The following FOXP1 variants were observed in gnomAD, a reference collection of about 807,000 sequenced individuals.
FOXP1 encodes the protein forkhead box P1, also known as forkhead box protein P1.
In FOXP1, 15 loss-of-function variants were observed where a neutral mutation model predicts 98.2. The observed-to-expected ratio is 0.15, with a 90% confidence interval of 0.10 to 0.24. FOXP1 has a LOEUF of 0.24. Ranked by LOEUF, FOXP1 falls within the 10% of genes least tolerant of loss-of-function variation. The pLI is 1.00. For synonymous variants in FOXP1, 371 were observed against 314.5 expected (o/e 1.18, Z -1.90); for missense variants, 633 against 848.5 (o/e 0.75, Z 3.15).
At chr3:71,064,623 C>T (rs2052107222) in intron 7 of FOXP1, among the ~76,000 whole-genome samples, 1 of 152,086 alleles carries the variant, frequency 6.6e-6, no homozygotes, top group Non-Finnish European at 1.5e-5. Context: ...TCTTGCCCCT[C>T]CACTCCCTCC....
intron 2 of FOXP1, among the ~76,000 whole-genome samples, chr3:71,576,049 G>A (rs2047695839): frequency 1.3e-5 from 2 of 152,154 alleles, no homozygotes; most frequent in South Asian, 2.1e-4. Flanking sequence ...TTTGTCCTAA[G>A]CAAATCTATT....
At chr3:71,394,491 G>C (rs1197747546) in intron 3 of FOXP1, among the ~76,000 whole-genome samples, 1 of 152,118 alleles carries the variant, frequency 6.6e-6, no homozygotes, top group Non-Finnish European at 1.5e-5. Context: ...TGTCTGCTAG[G>C]TTTCTCCCGG....
chr3:71,443,707 A>C (rs970434422), intron 3 of FOXP1, among the ~76,000 whole-genome samples: 2 of 152,198 alleles, frequency 1.3e-5, no homozygotes, highest in African/African-American at 4.8e-5. Context: ...GGATTTCTGA[A>C]ACTAAAGAAG....
At chr3:71,404,219 C>G (rs551173433) in intron 3 of FOXP1, among the ~76,000 whole-genome samples, 3 of 149,620 alleles carry the variant, frequency 2.0e-5, no homozygotes, top group African/African-American at 7.4e-5. Flanking sequence ...CCTCCGCCTC[C>G]CAGGTTCAAG....
intron 3 of FOXP1, among the ~76,000 whole-genome samples, chr3:71,449,967 C>A (rs2086792097): frequency 6.6e-6 from 1 of 152,160 alleles, no homozygotes; most frequent in African/African-American, 2.4e-5. Context: ...CATGAAATTT[C>A]TTTCCCAACA....
At chr3:71,340,420 G>A (rs1416365162) in intron 4 of FOXP1, among the ~76,000 whole-genome samples, 1 of 152,176 alleles carries the variant, frequency 6.6e-6, no homozygotes, top group African/African-American at 2.4e-5. Flanking sequence ...TGTATTTTGG[G>A]GGGAAAAGCA....
intron 3 of FOXP1, among the ~76,000 whole-genome samples, chr3:71,364,037 G>C (rs1488240149): frequency 6.6e-6 from 1 of 152,168 alleles, no homozygotes; most frequent in East Asian, 1.9e-4. Context: ...AGCACTAACA[G>C]TGGGAGGTGC....
intron 6 of FOXP1, among the ~76,000 whole-genome samples, chr3:71,187,631 T>G (rs2062727792): frequency 6.6e-6 from 1 of 152,208 alleles, no homozygotes; most frequent in South Asian, 2.1e-4. Context: ...TATAAATACA[T>G]GTGATATATA....
At chr3:71,008,219 T>C (rs2043050966) in intron 12 of FOXP1, among the ~76,000 whole-genome samples, 1 of 151,948 alleles carries the variant, frequency 6.6e-6, no homozygotes. Context: ...AACAGGGAAA[T>C]GTGGTCAGGA....
intron 7 of FOXP1, among the ~76,000 whole-genome samples, chr3:71,074,243 T>A (rs1439588410): frequency 6.6e-6 from 1 of 152,164 alleles, no homozygotes; most frequent in Non-Finnish European, 1.5e-5. Context: ...TTATTATTAT[T>A]TTGAAATGGA....
chr3:71,525,000 C>T (rs1476573943), intron 2 of FOXP1, among the ~76,000 whole-genome samples: 2 of 152,204 alleles, frequency 1.3e-5, no homozygotes, highest in African/African-American at 2.4e-5. Flanking sequence ...ACAATCCTCA[C>T]AGCGATTAAG....
chr3:71,363,425 C>T (rs1242097549), intron 3 of FOXP1, among the ~76,000 whole-genome samples: 1 of 152,198 alleles, frequency 6.6e-6, no homozygotes, highest in Non-Finnish European at 1.5e-5. Flanking sequence ...CCTAAACTTA[C>T]TCACTCTGAG....
intron 13 of FOXP1, among the ~76,000 whole-genome samples, chr3:70,999,615 A>T (rs1357567637): frequency 6.6e-6 from 1 of 152,226 alleles, no homozygotes; most frequent in Non-Finnish European, 1.5e-5. Flanking sequence ...TTAACTGGCT[A>T]ACAAAAATAA....
intron 3 of FOXP1, among the ~76,000 whole-genome samples, chr3:71,369,213 C>A: frequency 6.6e-6 from 1 of 152,062 alleles, no homozygotes; most frequent in Non-Finnish European, 1.5e-5. Context: ...CATGGTGAAA[C>A]CCCGTCTCTA....
chr3:71,409,919 A>T (rs1185531828), intron 3 of FOXP1, among the ~76,000 whole-genome samples: 1 of 152,158 alleles, frequency 6.6e-6, no homozygotes, highest in African/African-American at 2.4e-5. Context: ...GAAGGGTGAG[A>T]CGGGAGGATA....
intron 7 of FOXP1, among the ~76,000 whole-genome samples, chr3:71,079,089 G>A (rs1229959292): frequency 1.3e-5 from 2 of 152,114 alleles, no homozygotes; most frequent in Non-Finnish European, 2.9e-5. Context: ...CCAGTATTTG[G>A]TAAGTGACAG....
rs2059533192 is a variant in FOXP1, at chr3:71,130,895, A to G, written c.181-18258T>C. ...CATATCTAAACCGCTCCAGGTCTGC[A>G]AGCAGCGACACAGCACACGCAGTGC... On this transcript the variant is annotated intron_variant, in intron 6 of 20. Coordinates refer to ENST00000649528, the MANE Select transcript of FOXP1 (RefSeq NM_001349338.3). 28 of 1,374,518 alleles carry G rather than the reference A, an allele frequency of 2.0e-5. 1 individual carries two copies. The South Asian group carries it at 4.7e-4, about 23-fold the overall frequency. 85.1% of individuals were successfully genotyped at this position (1,374,518 alleles called of 1,614,324 possible). A position where few individuals can be genotyped will look rare whatever the true frequency, so the allele number is the denominator to read the frequency against.
chr3:70,959,321 T>C lies in FOXP1; in HGVS notation c.1960A>G (p.Thr654Ala), dbSNP rs1256522114. ...TCAAAATCTGGACTGTGGTTGGCTGTTGTCACTAAGGACAGGGGCCCTTCA... is the reference window on the plus strand; with the variant it reads ...TCAAAATCTGGACTGTGGTTGGCTGCTGTCACTAAGGACAGGGGCCCTTCA... ...EAEGPLSLVT[T>A]ANHSPDFDHD... Residue 654 changes from threonine to alanine, a missense_variant, in exon 21 of 21, where the codon ACA becomes GCA. Coordinates refer to ENST00000649528, the MANE Select transcript of FOXP1 (RefSeq NM_001349338.3). The C allele has an allele frequency of 6.2e-7, 1 of 1,614,166 alleles. No homozygotes were observed. The highest frequency in any genetic ancestry group is 2.2e-5 in the East Asian group (1 of 44,874).
chr3:71,144,598 G>T (rs551638797), intron 6 of FOXP1, among the ~76,000 whole-genome samples: 6 of 152,338 alleles, frequency 3.9e-5, no homozygotes, highest in African/African-American at 1.4e-4. Flanking sequence ...ATGACCACAA[G>T]TGTTCGGGAC....
Sources: allele counts gnomAD v4.1 joint callset (sites outside exome capture counted in the v4.1 genomes callset), GRCh38; gene constraint gnomAD v4.1.1; transcripts MANE v1.5; gene names NCBI Gene and HGNC (gene_info 2026-07-23, HGNC 2026-07-21).